The following FBXL17 variants were observed in gnomAD, a reference collection of about 807,000 sequenced individuals.
FBXL17 encodes the protein F-box and leucine rich repeat protein 17, also known as F-box/LRR-repeat protein 17.
A neutral mutation model predicts 66.2 loss-of-function variants in FBXL17; 22 were observed. The observed-to-expected ratio is 0.33, with a 90% CI of 0.24 to 0.47. FBXL17 has a LOEUF of 0.47. Ranked by LOEUF, FBXL17 falls within the 20% of genes least tolerant of loss-of-function variation. The probability of loss-of-function intolerance (pLI) is 1.00; values close to 1 mark genes in which losing one functional copy is unlikely to be tolerated. For missense variants in FBXL17, 878 were observed against 948.2 expected (o/e 0.93, Z 0.97); for synonymous variants, 474 against 400.5 (o/e 1.18, Z -2.19).
At chr5:108,345,904 C>G (rs1747246846) in intron 4 of FBXL17, among the ~76,000 whole-genome samples, 1 of 152,056 alleles carries the variant, frequency 6.6e-6, no homozygotes, top group African/African-American at 2.4e-5. Flanking sequence ...CTATAATACT[C>G]TTTTTGAGAA....
At chr5:108,349,574 A>T (rs1019478503) in intron 3 of FBXL17, among the ~76,000 whole-genome samples, 2 of 152,240 alleles carry the variant, frequency 1.3e-5, no homozygotes, top group African/African-American at 4.8e-5. Context: ...TCCTACAGAA[A>T]TGTAAACTCC....
chr5:107,941,422 A>C (rs1751093555), intron 7 of FBXL17, among the ~76,000 whole-genome samples: 1 of 152,206 alleles, frequency 6.6e-6, no homozygotes, highest in African/African-American at 2.4e-5. Flanking sequence ...GCTGAGTTAC[A>C]TAATGGAAGT....
chr5:108,283,939 C>T (rs1002972266), intron 4 of FBXL17, among the ~76,000 whole-genome samples: 11 of 151,906 alleles, frequency 7.2e-5, no homozygotes, highest in Admixed American at 5.9e-4. Context: ...TGAAACAATA[C>T]TCCACATCGC....
At chr5:107,873,020 ACTG>A (rs1263214832) in intron 8 of FBXL17, among the ~76,000 whole-genome samples, 1 of 152,242 alleles carries the variant, frequency 6.6e-6, no homozygotes, top group Non-Finnish European at 1.5e-5. Context: ...CACAGAGGCC[ACTG>A]CTGACCTTGA....
chr5:108,102,947 C>T (rs1391488021), intron 6 of FBXL17, among the ~76,000 whole-genome samples: 3 of 152,042 alleles, frequency 2.0e-5, no homozygotes, highest in Non-Finnish European at 4.4e-5. Context: ...AGTTGACAAA[C>T]TAAAAGATAT....
chr5:108,153,719 A>G (rs542257012), intron 6 of FBXL17, among the ~76,000 whole-genome samples: 11 of 152,262 alleles, frequency 7.2e-5, no homozygotes, highest in East Asian at 1.9e-4. Context: ...CTTCTTGAAC[A>G]TGGAGCTTCA....
At chr5:108,373,547 TAATAA>T (rs1749208865) in intron 1 of FBXL17, among the ~76,000 whole-genome samples, 1 of 151,538 alleles carries the variant, frequency 6.6e-6, no homozygotes, top group Non-Finnish European at 1.5e-5. Context: ...AGAAAACAAA[TAATAA>T]AATAGTAAAT....
chr5:108,114,055 A>C (rs1488982860), intron 6 of FBXL17, among the ~76,000 whole-genome samples: 1 of 152,208 alleles, frequency 6.6e-6, no homozygotes, highest in Non-Finnish European at 1.5e-5. Flanking sequence ...TCAGTTATAC[A>C]AAAAGACTTG....
intron 6 of FBXL17, among the ~76,000 whole-genome samples, chr5:108,059,706 G>A (rs1747847387): frequency 6.6e-6 from 1 of 152,150 alleles, no homozygotes; most frequent in Non-Finnish European, 1.5e-5. Context: ...GAGAATATCA[G>A]GCAGGTGTCT....
chr5:108,210,873 T>C (rs1287119939), intron 5 of FBXL17, among the ~76,000 whole-genome samples: 1 of 152,156 alleles, frequency 6.6e-6, no homozygotes, highest in Non-Finnish European at 1.5e-5. Flanking sequence ...CCTTGTAAAT[T>C]TTCTGTCTCA....
At chr5:108,343,566 C>T (rs1747032118) in intron 4 of FBXL17, among the ~76,000 whole-genome samples, 1 of 152,140 alleles carries the variant, frequency 6.6e-6, no homozygotes, top group African/African-American at 2.4e-5. Context: ...TATATTAACT[C>T]ATATATAAAC....
chr5:108,196,601 C>T (rs1395145704), intron 5 of FBXL17, among the ~76,000 whole-genome samples: 1 of 152,166 alleles, frequency 6.6e-6, no homozygotes, highest in Admixed American at 6.6e-5. Flanking sequence ...TTATTAAATG[C>T]TTAGAACTGA....
At position 108,382,045 on chromosome 5, in the gene FBXL17, C is replaced by G. The variant is rs906190865; in HGVS notation, c.-354G>C. ...GAGCGGCCGGGGAAAGGCCGGGTCC[C>G]GCTCGGACCATTTTAACTGCGGATC... On this transcript the variant is annotated 5_prime_UTR_variant, in exon 1 of 9. Transcript: ENST00000542267. The G allele has an allele frequency of 6.4e-6, 6 of 931,442 alleles. No homozygotes were observed. In the African/African-American group the frequency reaches 1.0e-4, roughly 16 times the overall value. The allele number at this position is 931,442 out of a possible 1,614,324, so 57.7% of individuals were successfully genotyped here. A position where few individuals can be genotyped will look rare whatever the true frequency, so the allele number is the denominator to read the frequency against.
chr5:108,348,368 G>T, intron 4 of FBXL17, 31 bp downstream of exon 4: 3 of 1,510,910 alleles, frequency 2.0e-6, no homozygotes, highest in South Asian at 1.4e-5. Context: ...GGAACAAAAT[G>T]AACAATACAA....
At chr5:108,260,195 T>C (rs1303113031) in intron 4 of FBXL17, among the ~76,000 whole-genome samples, 1 of 152,044 alleles carries the variant, frequency 6.6e-6, no homozygotes, top group Admixed American at 6.5e-5. Context: ...AGAGGACTAG[T>C]TGTTAATGTC....
At chr5:108,343,333 T>A (rs1235303631) in intron 4 of FBXL17, among the ~76,000 whole-genome samples, 2 of 152,146 alleles carry the variant, frequency 1.3e-5, no homozygotes, top group Middle Eastern at 3.2e-3. Context: ...TTTAAGTAAA[T>A]GCCCCATCCA....
intron 6 of FBXL17, among the ~76,000 whole-genome samples, chr5:108,179,627 A>G (rs1208732046): frequency 6.6e-6 from 1 of 152,154 alleles, no homozygotes; most frequent in Non-Finnish European, 1.5e-5. Flanking sequence ...ATAATTCAGG[A>G]AACTCCTTTA....
intron 7 of FBXL17, among the ~76,000 whole-genome samples, chr5:107,951,504 C>T (rs73202581): frequency 0.012 from 1,821 of 152,316 alleles, 35 homozygotes; most frequent in African/African-American, 0.041. Flanking sequence ...GGGCCTGGTG[C>T]TGCAATGCAC....
intron 4 of FBXL17, among the ~76,000 whole-genome samples, chr5:108,283,395 T>C (rs1446420222): frequency 6.6e-6 from 1 of 151,718 alleles, no homozygotes; most frequent in East Asian, 1.9e-4. Flanking sequence ...TAAAGCCACA[T>C]ATTTATATTC....
Sources: gnomAD v4.1 joint callset for allele counts (sites outside exome capture counted in the v4.1 genomes callset) on GRCh38, gnomAD v4.1.1 for gene constraint, MANE v1.5 for transcripts, NCBI Gene and HGNC (gene_info 2026-07-23, HGNC 2026-07-21) for gene names.